NBEA: variants seen among roughly 807,000 people sequenced by gnomAD.
NBEA encodes lysosomal-trafficking regulator 2.
In NBEA, 44 loss-of-function variants were observed where a neutral mutation model predicts 343.4. The observed-to-expected ratio is 0.13, with a 90% CI of 0.10 to 0.16. NBEA has a LOEUF of 0.16. Ranked by LOEUF, NBEA falls within the 10% of genes least tolerant of loss-of-function variation. The pLI, the probability that NBEA is intolerant of heterozygous loss-of-function variation, is 1.00. For missense variants in NBEA, 2,555 were observed against 3,631.3 expected (o/e 0.70, Z 7.62); for synonymous variants, 1,175 against 1,238.7 (o/e 0.95, Z 1.08).
chr13:35,612,353 C>T (rs1025929834), intron 48 of NBEA, among the ~76,000 whole-genome samples: 6 of 151,980 alleles, frequency 3.9e-5, no homozygotes, highest in South Asian at 2.1e-4. Context: ...AGAGTGGTCT[C>T]GATCTCCTGA....
intron 34 of NBEA, among the ~76,000 whole-genome samples, chr13:35,249,995 G>A (rs1035939767): frequency 1.3e-5 from 2 of 152,138 alleles, no homozygotes; most frequent in African/African-American, 2.4e-5. Context: ...AATACTGTAT[G>A]ATTCACTTAC....
intron 44 of NBEA, among the ~76,000 whole-genome samples, chr13:35,565,889 T>A (rs1416145324): frequency 6.6e-6 from 1 of 152,036 alleles, no homozygotes; most frequent in Non-Finnish European, 1.5e-5. Context: ...GACAAAAAAA[T>A]ATTTCATGAA....
intron 12 of NBEA, among the ~76,000 whole-genome samples, chr13:35,110,056 GTT>G (rs1158865546): frequency 1.3e-5 from 1 of 78,324 alleles, no homozygotes. Flanking sequence ...TTTTTTAAAT[GTT>G]TTTTTTTTTT....
At chr13:35,429,955 TTC>T (rs1232878524) in intron 38 of NBEA, among the ~76,000 whole-genome samples, 1 of 152,202 alleles carries the variant, frequency 6.6e-6, no homozygotes, top group Non-Finnish European at 1.5e-5. Flanking sequence ...GTATAATGAC[TTC>T]TTTTCCTCTG....
chr13:35,006,267 TA>T (rs148515175), intron 1 of NBEA, among the ~76,000 whole-genome samples: 2,340 of 152,160 alleles, frequency 0.015, 65 homozygotes, highest in African/African-American at 0.054. Flanking sequence ...TTATTAACCT[TA>T]AAAAATTATT....
chr13:35,637,327 T>A (rs2083733852), intron 49 of NBEA, among the ~76,000 whole-genome samples: 1 of 152,124 alleles, frequency 6.6e-6, no homozygotes, highest in South Asian at 2.1e-4. Context: ...ACTGGAAACT[T>A]TGTGCACCAT....
intron 38 of NBEA, among the ~76,000 whole-genome samples, chr13:35,428,354 C>A (rs2044854774): frequency 6.6e-6 from 1 of 152,180 alleles, no homozygotes; most frequent in Admixed American, 6.5e-5. Context: ...ATTCCAGTGA[C>A]ACAAATGCTA....
intron 40 of NBEA, among the ~76,000 whole-genome samples, chr13:35,454,150 A>G (rs1262569092): frequency 2.0e-5 from 3 of 152,212 alleles, no homozygotes; most frequent in Non-Finnish European, 1.5e-5. Context: ...GCAGTCTACA[A>G]ATATACTCTG....
At chr13:35,109,187 A>G in intron 11 of NBEA, 103 bp from the exon 12 acceptor site, 2 of 935,288 alleles carry the variant, frequency 2.1e-6, no homozygotes, top group African/African-American at 3.3e-5. Flanking sequence ...CATATTTATT[A>G]GGGATAGCAT....
At chr13:35,035,560 CTTTG>C (rs2062407984) in intron 1 of NBEA, among the ~76,000 whole-genome samples, 1 of 151,838 alleles carries the variant, frequency 6.6e-6, no homozygotes, top group African/African-American at 2.4e-5. Flanking sequence ...TCTGATGTTT[CTTTG>C]TTTATTTTCT....
intron 14 of NBEA, among the ~76,000 whole-genome samples, chr13:35,117,744 T>C (rs938486255): frequency 2.6e-5 from 4 of 151,974 alleles, no homozygotes; most frequent in Admixed American, 6.6e-5. Context: ...GCCCTTATTC[T>C]TATAGTAATT....
chr13:35,514,768 G>A (rs1191977548), intron 41 of NBEA, among the ~76,000 whole-genome samples: 2 of 152,128 alleles, frequency 1.3e-5, no homozygotes, highest in Non-Finnish European at 2.9e-5. Context: ...ATATATGGCA[G>A]TGTGCATTTG....
intron 38 of NBEA, among the ~76,000 whole-genome samples, chr13:35,422,631 C>A (rs535636023): frequency 6.6e-6 from 1 of 152,126 alleles, no homozygotes; most frequent in Non-Finnish European, 1.5e-5. Context: ...GTCTTTATAG[C>A]AGCATGATTT....
At chr13:35,234,886 T>C (rs1266521215) in intron 34 of NBEA, among the ~76,000 whole-genome samples, 1 of 152,232 alleles carries the variant, frequency 6.6e-6, no homozygotes, top group Admixed American at 6.5e-5. Flanking sequence ...TAAATGTATT[T>C]ATTTTGTCAT....
chr13:35,488,989 A>T (rs998804185), intron 41 of NBEA, among the ~76,000 whole-genome samples: 1 of 151,886 alleles, frequency 6.6e-6, no homozygotes, highest in Non-Finnish European at 1.5e-5. Flanking sequence ...AAATACATTT[A>T]TGTCTGTATG....
At chr13:35,296,380 CAA>C (rs1184169537) in intron 35 of NBEA, among the ~76,000 whole-genome samples, 16 of 79,336 alleles carry the variant, frequency 2.0e-4, no homozygotes, top group African/African-American at 1.9e-4. Context: ...GACTCAGTCT[CAA>C]AAAAAAAAAA....
intron 18 of NBEA, among the ~76,000 whole-genome samples, chr13:35,144,715 C>T (rs1019536529): frequency 2.6e-5 from 4 of 152,098 alleles, no homozygotes; most frequent in Non-Finnish European, 4.4e-5. Context: ...GAGATGTTGG[C>T]CCTGCCTGGC....
Position 35,655,761 on chromosome 13 carries a change from T to C in NBEA, c.8362+12T>C, listed in dbSNP as rs1025014614. ...CAACCCTAACAGCAGTGAGTGTTTG[T>C]ATCAAATTTGTCCTATCAAACTATA... On this transcript the variant is annotated intron_variant, in intron 55 of 58. Coordinates refer to ENST00000379939, the MANE Select transcript of NBEA (RefSeq NM_001385012.1). 1.2e-6 allele frequency: 2 copies of C among 1,602,388 alleles called. No homozygotes were observed. The highest frequency in any genetic ancestry group is 2.2e-5 in the East Asian group (1 of 44,718).
intron 49 of NBEA, among the ~76,000 whole-genome samples, chr13:35,635,111 G>A (rs920195051): frequency 3.3e-5 from 5 of 152,092 alleles, no homozygotes; most frequent in African/African-American, 1.2e-4. Flanking sequence ...TAAATGAAGG[G>A]TAATTTAAGG....
Sources: allele counts gnomAD v4.1 joint callset (sites outside exome capture counted in the v4.1 genomes callset), GRCh38; gene constraint gnomAD v4.1.1; transcripts MANE v1.5; gene names NCBI Gene and HGNC (gene_info 2026-07-23, HGNC 2026-07-21).